SESTD1: variants seen among roughly 807,000 people sequenced by gnomAD.
SESTD1 encodes SEC14 domain and spectrin repeat-containing protein 1.
Under a neutral mutation model 101.7 loss-of-function variants are expected in SESTD1, and 43 were observed. The observed-to-expected ratio is 0.42, with a 90% CI of 0.33 to 0.55. The LOEUF (loss-of-function observed/expected upper bound fraction) is 0.55, where lower values mean the gene tolerates loss of function less well. SESTD1 is among the 20% of genes least tolerant of loss of function. The pLI is 0.07. For missense variants in SESTD1, 647 were observed against 815.1 expected, an observed-to-expected ratio of 0.79 and a Z score of 2.51; for synonymous variants, 283 against 286.8, an observed-to-expected ratio of 0.99 and a Z score of 0.13.
chr2:179,136,826 A>G (rs1027591871), intron 9 of SESTD1, among the ~76,000 whole-genome samples: 1 of 152,184 alleles, frequency 6.6e-6, no homozygotes, highest in Non-Finnish European at 1.5e-5. Flanking sequence ...AAATTGAAAA[A>G]TAAATCTTAA....
At chr2:179,250,092 G>A (rs1013243279) in intron 1 of SESTD1, among the ~76,000 whole-genome samples, 2 of 152,120 alleles carry the variant, frequency 1.3e-5, no homozygotes, top group East Asian at 3.9e-4. Context: ...ACAAGCTACA[G>A]AGTGGAATAA....
chr2:179,106,665 T>A lies in SESTD1; in HGVS notation c.*3234A>T, dbSNP rs2044389985. ...GGGAGCAATAGCCAATGTAAATTTG[T>A]ATAAAGTGAGAAGTATTCAATCTTC... is the stretch of plus-strand genomic sequence containing the variant. On this transcript the variant is annotated 3_prime_UTR_variant, in exon 18 of 18. Coordinates refer to ENST00000428443, the MANE Select transcript of SESTD1 (RefSeq NM_178123.5). 1 of 152,146 alleles carries A rather than the reference T, an allele frequency of 6.6e-6. No homozygotes were observed. Among genetic ancestry groups the A allele is most frequent in the African/African-American group, 2.4e-5 (1 of 41,432 alleles). 9.4% of individuals were successfully genotyped at this position (152,146 alleles called of 1,614,324 possible). A position where few individuals can be genotyped will look rare whatever the true frequency, so the allele number is the denominator to read the frequency against.
chr2:179,239,358 ACT>A (rs956153120), intron 1 of SESTD1, among the ~76,000 whole-genome samples: 1 of 151,638 alleles, frequency 6.6e-6, no homozygotes, highest in African/African-American at 2.4e-5. Flanking sequence ...TCATATAATG[ACT>A]CTCCTGGATG....
At chr2:179,112,310 G>T (rs1009565095) in intron 17 of SESTD1, among the ~76,000 whole-genome samples, 1 of 152,162 alleles carries the variant, frequency 6.6e-6, no homozygotes, top group Non-Finnish European at 1.5e-5. Context: ...AATCATACTG[G>T]TTTGGTCCTC....
At chr2:179,202,218 A>T (rs1450774955) in intron 1 of SESTD1, among the ~76,000 whole-genome samples, 1 of 133,306 alleles carries the variant, frequency 7.5e-6, no homozygotes, top group Non-Finnish European at 1.6e-5. Context: ...GTTTATTTTT[A>T]AAACTTCTCA....
chr2:179,165,467 C>G (rs759365338), intron 5 of SESTD1, among the ~76,000 whole-genome samples: 1 of 152,118 alleles, frequency 6.6e-6, no homozygotes, highest in Non-Finnish European at 1.5e-5. Flanking sequence ...TCCGTGGTAC[C>G]GGGTGTTCAC....
At chr2:179,188,826 A>G (rs1212056874) in intron 2 of SESTD1, among the ~76,000 whole-genome samples, 1 of 152,202 alleles carries the variant, frequency 6.6e-6, no homozygotes, top group Non-Finnish European at 1.5e-5. Context: ...TAGAAACTCT[A>G]GAGAAATGGA....
At chr2:179,151,214 T>C in intron 6 of SESTD1, 64 bp downstream of exon 6, 1 of 1,148,564 alleles carries the variant, frequency 8.7e-7, no homozygotes, top group Non-Finnish European at 1.2e-6. Flanking sequence ...ACTAAAATGA[T>C]AAAGTTATCA....
intron 3 of SESTD1, among the ~76,000 whole-genome samples, chr2:179,182,401 T>C (rs548260549): frequency 3.3e-5 from 5 of 152,198 alleles, no homozygotes; most frequent in East Asian, 3.9e-4. Flanking sequence ...CCAAGAACAA[T>C]TGGATCAGAA....
chr2:179,111,432 A>G (rs1234760234), intron 17 of SESTD1, among the ~76,000 whole-genome samples: 1 of 152,078 alleles, frequency 6.6e-6, no homozygotes, highest in Admixed American at 6.6e-5. Flanking sequence ...CACCCCCATA[A>G]CCTGAGGAAG....
At chr2:179,110,104 A>T (rs2044475155) in intron 17 of SESTD1, 76 bp from the exon 18 acceptor site, 8 of 1,455,676 alleles carry the variant, frequency 5.5e-6, no homozygotes, top group Non-Finnish European at 6.6e-6. Flanking sequence ...ATAGAAGCAA[A>T]AATTTACCAT....
intron 10 of SESTD1, among the ~76,000 whole-genome samples, chr2:179,131,149 G>GTAATATCTCTTA (rs2045005114): frequency 6.8e-6 from 1 of 148,042 alleles, no homozygotes; most frequent in African/African-American, 2.6e-5. Context: ...ACTGCTTTAG[G>GTAATATCTCTTA]GTATAGTAGT....
intron 1 of SESTD1, among the ~76,000 whole-genome samples, chr2:179,197,488 AC>A (rs1429297334): frequency 2.0e-5 from 3 of 152,152 alleles, no homozygotes; most frequent in Non-Finnish European, 4.4e-5. Flanking sequence ...GAGAAGAGCA[AC>A]CCCAAGACAC....
intron 2 of SESTD1, 79 bp from the exon 3 acceptor site, chr2:179,183,267 T>G: frequency 1.2e-6 from 1 of 831,532 alleles, no homozygotes; most frequent in East Asian, 3.1e-5. Context: ...GAATCCAATC[T>G]TACTAAAATA....
intron 1 of SESTD1, among the ~76,000 whole-genome samples, chr2:179,252,644 TTTTGG>T (rs1299479941): frequency 2.6e-5 from 4 of 152,204 alleles, no homozygotes; most frequent in Non-Finnish European, 4.4e-5. Flanking sequence ...TATTTTTACC[TTTTGG>T]TTTGACTTGG....
intron 1 of SESTD1, among the ~76,000 whole-genome samples, chr2:179,197,193 G>A (rs914684006): frequency 6.6e-6 from 1 of 152,076 alleles, no homozygotes; most frequent in Non-Finnish European, 1.5e-5. Flanking sequence ...GCAATCAACT[G>A]GAAGAAAGGG....
intron 5 of SESTD1, among the ~76,000 whole-genome samples, chr2:179,165,474 T>C (rs1302392312): frequency 6.6e-6 from 1 of 152,198 alleles, no homozygotes; most frequent in Non-Finnish European, 1.5e-5. Context: ...TACCGGGTGT[T>C]CACAGCTTTA....
chr2:179,256,823 A>C (rs965679300), intron 1 of SESTD1, among the ~76,000 whole-genome samples: 1 of 151,954 alleles, frequency 6.6e-6, no homozygotes, highest in African/African-American at 2.4e-5. Context: ...AAAAAAAAAA[A>C]AAAAAAACTG....
rs199696844 is a variant in SESTD1 at position 179,209,182 on chromosome 2, A to AAT, written c.-25-17318_-25-17317dup. On this transcript the variant is annotated intron_variant, in intron 1 of 17. Transcript: ENST00000428443. ...TCAACAGGAAAATATCACCATCCTA[A>AAT]ATATATATGCACCTAACAGTGGTGC... 6.1e-3 allele frequency among the ~76,000 whole-genome samples: 816 copies of AAT among 134,680 alleles called. 196 individuals are homozygous for AAT. Among genetic ancestry groups the AAT allele is most frequent in the African/African-American group, 0.023 (782 of 34,032 alleles). The allele number at this position is 134,680 out of a possible 152,430, so 88.4% of individuals were successfully genotyped here.
Sources: allele counts gnomAD v4.1 joint callset (sites outside exome capture counted in the v4.1 genomes callset), GRCh38; gene constraint gnomAD v4.1.1; transcripts MANE v1.5; gene names NCBI Gene and HGNC (gene_info 2026-07-23, HGNC 2026-07-21).